DESI2: variants seen among roughly 807,000 people sequenced by gnomAD.
DESI2 encodes deubiquitinase DESI2.
Under a neutral mutation model 24.1 loss-of-function variants are expected in DESI2, and 10 were observed. The ratio of observed to expected loss-of-function variants is 0.41; its 90% CI spans 0.26 to 0.70. DESI2 has a LOEUF of 0.70. DESI2 is among the 30% of genes least tolerant of loss of function. The pLI is 0.29. For synonymous variants in DESI2, 71 were observed against 87.7 expected (o/e 0.81, Z 1.06); for missense variants, 122 against 234.9 (o/e 0.52, Z 3.14).
intron 4 of DESI2, among the ~76,000 whole-genome samples, chr1:244,693,938 G>C (rs962068003): frequency 1.3e-5 from 2 of 152,224 alleles, no homozygotes; most frequent in Non-Finnish European, 2.9e-5. Flanking sequence ...AATTTGAAAT[G>C]ATAGATGCAA....
chr1:244,685,782 C>G (rs1306369232), intron 1 of DESI2, among the ~76,000 whole-genome samples: 4 of 152,168 alleles, frequency 2.6e-5, no homozygotes, highest in African/African-American at 7.2e-5. Flanking sequence ...TGAGTGTTAC[C>G]TAAGTGTTTT....
intron 4 of DESI2, among the ~76,000 whole-genome samples, chr1:244,692,806 T>G (rs1051588398): frequency 6.6e-6 from 1 of 152,206 alleles, no homozygotes; most frequent in Non-Finnish European, 1.5e-5. Context: ...GTGTGTTTCA[T>G]GGACCAGCAG....
In DESI2 at chr1:244,689,452, CTCTT is replaced by C. The variant is rs1462513430; in HGVS notation, c.209+112_209+115del. On this transcript the variant is annotated intron_variant, in intron 3 of 4. Coordinates refer to ENST00000302550, the MANE Select transcript of DESI2 (RefSeq NM_016076.5). The surrounding 1 kb of genome is among the most constrained non-coding windows in gnomAD (Gnocchi z 4.0). ...AACAAACCCAAGAAGTTAAAAATGT[CTCTT>C]TGTTTTAATTGCTGACATTTTATAT... 3 of 593,268 alleles carry C rather than the reference CTCTT, an allele frequency of 5.1e-6. No individual in the cohort carries two copies. Among genetic ancestry groups the C allele is most frequent in the African/African-American group, 1.9e-5 (1 of 52,116 alleles). The allele number at this position is 593,268 out of a possible 1,614,324, so 36.8% of individuals were successfully genotyped here.
chr1:244,698,582 A>C (rs761047074), intron 4 of DESI2, among the ~76,000 whole-genome samples: 8 of 152,214 alleles, frequency 5.3e-5, no homozygotes, highest in Non-Finnish European at 8.8e-5. Flanking sequence ...GGAATCCTGA[A>C]TTCATAGATC....
At chr1:244,654,199 T>A (rs572962112) in intron 1 of DESI2, among the ~76,000 whole-genome samples, 33 of 152,342 alleles carry the variant, frequency 2.2e-4, no homozygotes, top group Non-Finnish European at 4.4e-4. Context: ...GTCGTTGCAG[T>A]TAGATGCATG....
At chr1:244,672,475 A>G (rs1676279142) in intron 1 of DESI2, among the ~76,000 whole-genome samples, 1 of 151,862 alleles carries the variant, frequency 6.6e-6, no homozygotes, top group African/African-American at 2.4e-5. Flanking sequence ...AGCAAATTAA[A>G]CCTCCTTTAT....
intron 1 of DESI2, among the ~76,000 whole-genome samples, chr1:244,669,703 C>T (rs932832461): frequency 1.3e-5 from 2 of 152,042 alleles, no homozygotes; most frequent in Non-Finnish European, 2.9e-5. Flanking sequence ...AGAAACTAGA[C>T]TTCAGTGACA....
At chr1:244,677,096 C>T (rs984150676) in intron 1 of DESI2, among the ~76,000 whole-genome samples, 1 of 151,640 alleles carries the variant, frequency 6.6e-6, no homozygotes, top group African/African-American at 2.4e-5. Flanking sequence ...GGGAAGTGTT[C>T]CCCTTTCTTC....
intron 4 of DESI2, among the ~76,000 whole-genome samples, chr1:244,693,181 G>A (rs1047899647): frequency 2.6e-5 from 4 of 152,188 alleles, no homozygotes; most frequent in Admixed American, 2.6e-4. Context: ...TTGTCATAGA[G>A]AATTCAGACT....
At chr1:244,697,941 C>T (rs1196980551) in intron 4 of DESI2, among the ~76,000 whole-genome samples, 3 of 152,278 alleles carry the variant, frequency 2.0e-5, no homozygotes, top group East Asian at 3.9e-4. Flanking sequence ...CCTACCTGCA[C>T]GCCCTCAACC....
At chr1:244,697,575 T>C (rs1160571413) in intron 4 of DESI2, among the ~76,000 whole-genome samples, 1 of 151,868 alleles carries the variant, frequency 6.6e-6, no homozygotes, top group Admixed American at 6.6e-5. Flanking sequence ...ATCCATGATA[T>C]GAAATAGCAG....
chr1:244,673,206 T>G (rs1386385395), intron 1 of DESI2, among the ~76,000 whole-genome samples: 1 of 152,200 alleles, frequency 6.6e-6, no homozygotes, highest in Non-Finnish European at 1.5e-5. Flanking sequence ...AGGCGTGTTC[T>G]CTAATAATAG....
intron 1 of DESI2, 140 bp from the exon 2 acceptor site, chr1:244,686,455 GCA>G (rs1169875057): frequency 5.0e-6 from 3 of 603,296 alleles, no homozygotes; most frequent in Non-Finnish European, 8.9e-6. Flanking sequence ...ACAGGCAAAG[GCA>G]CAGAGCCACA....
chr1:244,653,402 C>G (rs757038208), intron 1 of DESI2, 47 bp downstream of exon 1: 1 of 1,531,380 alleles, frequency 6.5e-7, no homozygotes, highest in East Asian at 2.7e-5. Context: ...AGGCCGGCTT[C>G]CTCTCGCCCG....
chr1:244,654,140 T>A, intron 1 of DESI2: 1 of 404,720 alleles, frequency 2.5e-6, no homozygotes, highest in South Asian at 1.8e-5. Context: ...CTGGTTTGCC[T>A]GATTTTTGCA....
intron 4 of DESI2, among the ~76,000 whole-genome samples, chr1:244,692,493 C>G (rs780750951): frequency 6.6e-6 from 1 of 151,834 alleles, no homozygotes; most frequent in Non-Finnish European, 1.5e-5. Context: ...AAGATCAAAA[C>G]TAGGTCAAAA....
intron 1 of DESI2, among the ~76,000 whole-genome samples, chr1:244,685,520 T>C (rs1228998154): frequency 6.6e-6 from 1 of 152,212 alleles, no homozygotes; most frequent in East Asian, 1.9e-4. Flanking sequence ...TTATTTATGA[T>C]TGCTTAATTC....
intron 1 of DESI2, among the ~76,000 whole-genome samples, chr1:244,684,374 C>G (rs1162021375): frequency 6.6e-6 from 1 of 152,140 alleles, no homozygotes; most frequent in Admixed American, 6.5e-5. Flanking sequence ...ACGTGTACTC[C>G]TCTCGGCCAA....
rs1558646942 is a variant in DESI2 at position 244,654,419 on chromosome 1, GTAT to G, written c.42+1069_42+1071del. Among the ~76,000 whole-genome samples, 3 of 152,272 alleles carry G rather than the reference GTAT, an allele frequency of 2.0e-5. No homozygotes were observed. The East Asian group carries it at 5.8e-4, about 29-fold the overall frequency. ...ACAGTTCTAAACTTTGTATTCCCTT[GTAT>G]TATTTATAAGTTTCTAAATTTACAG... On this transcript the variant is annotated intron_variant, in intron 1 of 4. Coordinates refer to ENST00000302550, the MANE Select transcript of DESI2 (RefSeq NM_016076.5).
Sources: gnomAD v4.1 joint callset for allele counts (sites outside exome capture counted in the v4.1 genomes callset) on GRCh38, gnomAD v4.1.1 for gene constraint, Gnocchi (gnomAD v3.1) non-coding constraint, MANE v1.5 for transcripts, NCBI Gene and HGNC (gene_info 2026-07-23, HGNC 2026-07-21) for gene names.